CAMTA2: variants seen among roughly 807,000 people sequenced by gnomAD.
CAMTA2 encodes calmodulin-binding transcription activator 2.
CAMTA2 carries 56 observed loss-of-function variants against 135.7 expected under a neutral mutation model. The observed-to-expected ratio is 0.41, with a 90% CI of 0.33 to 0.52. CAMTA2 has a LOEUF of 0.52. CAMTA2 is among the 20% of genes least tolerant of loss of function. The probability of loss-of-function intolerance (pLI) is 0.16; values close to 1 mark genes in which losing one functional copy is unlikely to be tolerated. For synonymous variants in CAMTA2, 591 were observed against 604.6 expected (o/e 0.98, Z 0.33); for missense variants, 1,358 against 1,553.4 (o/e 0.87, Z 2.11).
chr17:4,972,591 C>T, intron 15 of CAMTA2, 55 bp from the exon 16 acceptor site: 1 of 1,554,814 alleles, frequency 6.4e-7, no homozygotes, highest in South Asian at 1.1e-5. Context: ...ATCCCTCGCT[C>T]AAGTCTCCTG....
At chr17:4,986,730 C>A in intron 1 of CAMTA2, 1 of 553,370 alleles carries the variant, frequency 1.8e-6, no homozygotes, top group East Asian at 3.3e-5. Flanking sequence ...TTAGAAGACA[C>A]GCCCTGAGTT....
intron 1 of CAMTA2, chr17:4,987,030 G>A: frequency 1.4e-6 from 2 of 1,422,622 alleles, no homozygotes; most frequent in Non-Finnish European, 1.8e-6. Context: ...GAGGCTCTCA[G>A]CACGGGCTCC....
intron 2 of CAMTA2, 68 bp downstream of exon 2, chr17:4,986,124 G>C (rs181998165): frequency 3.6e-5 from 41 of 1,127,412 alleles, no homozygotes; most frequent in Non-Finnish European, 5.4e-6. Context: ...CCAAGAATTA[G>C]AGGGCCACTA....
chr17:4,968,774 C>G lies in CAMTA2; in HGVS notation c.3591G>C (p.Gln1197His). Residue 1197 changes from glutamine to histidine, a missense_variant, in exon 23 of 23, where the codon CAG becomes CAC. Around this residue, in one of 4 missense-constraint regions of CAMTA2, gnomAD observed 167 missense variants for 207.0 expected, o/e 0.81. Transcript: ENST00000348066. ...GGCCAGGTCATGTGGCCAGTCCCGG[C>G]TGGGGAAGCCCTTCCAGCTCCTGGT... ...KQNQELEGLP[Q>H]PGLAT 6.2e-7 allele frequency: 1 copy of G among 1,614,134 alleles called. No individual in the cohort carries two copies. Among genetic ancestry groups the G allele is most frequent in the Non-Finnish European group, 8.5e-7 (1 of 1,180,024 alleles).
chr17:4,986,508 A>G, intron 1 of CAMTA2: 1 of 542,448 alleles, frequency 1.8e-6, no homozygotes, highest in South Asian at 2.3e-5. Context: ...AGCAGGAAGA[A>G]ATGGGTTGGG....
chr17:4,982,273 C>T (rs1973002297), intron 5 of CAMTA2, 113 bp from the exon 6 acceptor site: 1 of 777,328 alleles, frequency 1.3e-6, no homozygotes, highest in Admixed American at 2.0e-5. Flanking sequence ...TTCAACCCTT[C>T]CCCCACCCTC....
At position 4,970,665 on chromosome 17, in the gene CAMTA2, C is replaced by G. The variant is rs543675019; in HGVS notation, c.2809-129G>C. 9 of 740,640 alleles carry G rather than the reference C, an allele frequency of 1.2e-5. No individual in the cohort carries two copies. The South Asian group carries it at 1.5e-4, about 12-fold the overall frequency. The allele number at this position is 740,640 out of a possible 1,614,324, so 45.9% of individuals were successfully genotyped here. A position where few individuals can be genotyped will look rare whatever the true frequency, so the allele number is the denominator to read the frequency against. On this transcript the variant is annotated intron_variant, in intron 16 of 22. Coordinates refer to ENST00000348066, the MANE Select transcript of CAMTA2 (RefSeq NM_015099.4). ...AACCCTGTCTTTCTGGGCCACTGTT[C>G]CAGACTCATTCATTTATACTGATGG...
At position 4,981,264 on chromosome 17, in the gene CAMTA2, C is replaced by T. The variant is rs772397102; in HGVS notation, c.661G>A (p.Ala221Thr). The change falls in exon 8 of 23, where the codon GCT (alanine) becomes ACT (threonine). Residue 221 changes from alanine (A) to threonine (T), a missense_variant. By Grantham distance (58) the Ala-to-Thr change is moderately conservative. Coordinates refer to ENST00000348066, the MANE Select transcript of CAMTA2 (RefSeq NM_015099.4). Reference sequence around the variant, plus strand: ...CAGAGACAGGCGTGGGTTCGGGGAGCAGGCTTGGTTGGGTGGGTGTCCAAA... The same window carrying T: ...CAGAGACAGGCGTGGGTTCGGGGAGTAGGCTTGGTTGGGTGGGTGTCCAAA... ...QILDTHPTKP[A>T]PRTHACLCSG... The T allele has an allele frequency of 1.2e-6, 2 of 1,614,074 alleles. No homozygotes were observed. Among genetic ancestry groups the T allele is most frequent in the South Asian group, 1.1e-5 (1 of 91,080 alleles).
chr17:4,980,571 AGAT>A lies in CAMTA2; in HGVS notation c.748_750del (p.Ile250del). On this transcript the variant is annotated inframe_deletion, in exon 9 of 23. Transcript: ENST00000348066. The surrounding 1 kb of genome is among the most constrained non-coding windows in gnomAD (Gnocchi z 5.3). The stretch of plus-strand genomic sequence containing the variant: ...AAAGCTCGGGGCTCCACTTTGGGAG[AGAT>A]GATGCGGTGTTTCGTGCTGCTGCAT... 6.2e-7 allele frequency: 1 copy of A among 1,613,604 alleles called. No homozygotes were observed. Among genetic ancestry groups the A allele is most frequent in the Non-Finnish European group, 8.5e-7 (1 of 1,179,906 alleles).
intron 10 of CAMTA2, 74 bp downstream of exon 10, chr17:4,978,430 G>A: frequency 6.7e-7 from 1 of 1,499,062 alleles, no homozygotes; most frequent in Middle Eastern, 1.8e-4. Flanking sequence ...GTGCTTTCTG[G>A]AAGCCTGGAG....
intron 11 of CAMTA2, among the ~76,000 whole-genome samples, chr17:4,975,214 A>G (rs1331466663): frequency 6.6e-6 from 1 of 152,148 alleles, no homozygotes; most frequent in African/African-American, 2.4e-5. Flanking sequence ...ACAAACGGTG[A>G]AGGTTGGAGA....
At position 4,968,961 on chromosome 17, in the gene CAMTA2, T is replaced by C. The variant is rs762869651; in HGVS notation, c.3491A>G (p.Lys1164Arg). The change falls in exon 22 of 23, where the codon AAG becomes AGG. Residue 1164 changes from lysine to arginine, a missense_variant. Lys to Arg is a conservative substitution (Grantham distance 26). Coordinates refer to ENST00000348066, the MANE Select transcript of CAMTA2 (RefSeq NM_015099.4). ...GATCTTCCGGGCTGCCTGGTCCTGC[T>C]TCTTGGTGAGAAAGGAGCCTCTGGT... The part of the protein sequence containing the change: ...ARNKGSFLTK[K>R]QDQAARKIMR... 6.8e-6 allele frequency: 11 copies of C among 1,613,996 alleles called. No homozygotes were observed. Among genetic ancestry groups the C allele is most frequent in the Non-Finnish European group, 9.3e-6 (11 of 1,180,022 alleles).
chr17:4,978,430 G>T, intron 10 of CAMTA2, 74 bp downstream of exon 10: 1 of 1,499,062 alleles, frequency 6.7e-7, no homozygotes. Flanking sequence ...GTGCTTTCTG[G>T]AAGCCTGGAG....
chr17:4,968,828 A>C lies in CAMTA2; in HGVS notation c.3546-9T>G, dbSNP rs765023306. 6.2e-7 allele frequency: 1 copy of C among 1,613,814 alleles called. No individual in the cohort carries two copies. On this transcript the variant is annotated splice_polypyrimidine_tract_variant and intron_variant, in intron 22 of 22. Coordinates refer to ENST00000348066, the MANE Select transcript of CAMTA2 (RefSeq NM_015099.4). ...GCTTCAGTTCCCTCATCCTGCAGAG[A>C]GAAAGATAGGAGTCAGAGGAGACTG...
rs903930415 is a variant in CAMTA2, at chr17:4,987,537, G to A, written c.-65+56C>T. ...CGGCGCTCCGCGTCGGGACCTGGAG[G>A]AGCTGCGCCCTCTGGCGCGGGGGCG... On this transcript the variant is annotated intron_variant, in intron 1 of 22. Transcript: ENST00000348066. 87 of 1,478,624 alleles carry A rather than the reference G, an allele frequency of 5.9e-5. 2 individuals carry two copies. Among genetic ancestry groups the A allele is most frequent in the Middle Eastern group, 3.8e-4 (2 of 5,244 alleles). The allele number at this position is 1,478,624 out of a possible 1,614,324, so 91.6% of individuals were successfully genotyped here. A position where few individuals can be genotyped will look rare whatever the true frequency, so the allele number is the denominator to read the frequency against.
At position 4,980,905 on chromosome 17, in the gene CAMTA2, A is replaced by C. The variant is rs1227000700; in HGVS notation, c.701-284T>G. Among the ~76,000 whole-genome samples, 1 of 152,180 alleles carries C rather than the reference A, an allele frequency of 6.6e-6. No individual in the cohort carries two copies. Among genetic ancestry groups the C allele is most frequent in the African/African-American group, 2.4e-5 (1 of 41,440 alleles). ...AAGCAAAAGTTAAAGGCATAGGAAA[A>C]GGACAAAAGAACAGAACCAAGGGGG... On this transcript the variant is annotated intron_variant, in intron 8 of 22. Transcript: ENST00000348066. This position sits in a 1 kb window ranked among gnomAD's most constrained non-coding sequence, Gnocchi z 5.3.
rs187432118 is a variant in CAMTA2, at chr17:4,981,784, C to T, written c.459G>A (p.Glu153=). The change falls in exon 7 of 23, where the codon GAG becomes GAA. Residue 153 remains glutamate, a synonymous_variant. Coordinates refer to ENST00000348066, the MANE Select transcript of CAMTA2 (RefSeq NM_015099.4). ...LVHYLNVPAL[E]DCGKGCSPIF... is the part of the protein sequence containing the mutation. ...TGGGGCTGCAGCCCTTTCCACAGTC[C>T]TCCAGGGCTGGGACGTTCAGGTAGT... The T allele has an allele frequency of 6.2e-7, 1 of 1,613,224 alleles. No individual in the cohort carries two copies. Among genetic ancestry groups the T allele is most frequent in the East Asian group, 2.2e-5 (1 of 44,848 alleles).
At chr17:4,981,984 C>T in intron 6 of CAMTA2, 105 bp downstream of exon 6, 1 of 1,267,716 alleles carries the variant, frequency 7.9e-7, no homozygotes, top group South Asian at 1.2e-5. Context: ...TTCCCAGGCT[C>T]CTTTCCTCAC....
At chr17:4,985,512 C>T (rs764788107) in intron 3 of CAMTA2, among the ~76,000 whole-genome samples, 22 of 152,192 alleles carry the variant, frequency 1.4e-4, no homozygotes, top group Non-Finnish European at 2.5e-4. Flanking sequence ...CAGCCTCCGC[C>T]TCCCTGGCTC....
Sources: allele counts gnomAD v4.1 joint callset (sites outside exome capture counted in the v4.1 genomes callset), GRCh38; gene constraint gnomAD v4.1.1; regional missense constraint gnomAD v4.1.1; non-coding constraint Gnocchi (gnomAD v3.1); transcripts MANE v1.5; gene names NCBI Gene and HGNC (gene_info 2026-07-23, HGNC 2026-07-21).